The following NAALADL2 variants were observed in gnomAD, a reference collection of about 807,000 sequenced individuals.
The protein encoded by NAALADL2 is N-acetylated alpha-linked acidic dipeptidase like 2.
A neutral mutation model predicts 87.2 loss-of-function variants in NAALADL2; 76 were observed. The ratio of observed to expected loss-of-function variants is 0.87; its 90% CI spans 0.72 to 1.05. The LOEUF (loss-of-function observed/expected upper bound fraction) is 1.05, where lower values mean the gene tolerates loss of function less well. Among genes scored for constraint, NAALADL2 ranks in the 50% least tolerant of loss-of-function variants. NAALADL2 has a pLI of 0.00. For synonymous variants in NAALADL2, 354 were observed against 331.0 expected (o/e 1.07, Z -0.75); for missense variants, 1,089 against 945.8 (o/e 1.15, Z -1.99).
intron 11 of NAALADL2, among the ~76,000 whole-genome samples, chr3:175,710,625 T>C (rs2149999563): frequency 6.6e-6 from 1 of 151,504 alleles, no homozygotes; most frequent in South Asian, 2.1e-4. Flanking sequence ...TATACACATA[T>C]AGACACTTTA....
chr3:174,987,335 C>G (rs1746012716), intron 1 of NAALADL2, among the ~76,000 whole-genome samples: 1 of 151,464 alleles, frequency 6.6e-6, no homozygotes, highest in African/African-American at 2.4e-5. Context: ...TTTGGGAGGC[C>G]GAGGCGGGCG....
chr3:175,302,991 A>G (rs1026931104), intron 4 of NAALADL2, among the ~76,000 whole-genome samples: 1 of 152,176 alleles, frequency 6.6e-6, no homozygotes, highest in Admixed American at 6.5e-5. Flanking sequence ...TTGAAGCAAT[A>G]AACATTGATA....
At chr3:175,546,918 A>G (rs569330784) in intron 9 of NAALADL2, among the ~76,000 whole-genome samples, 1 of 152,308 alleles carries the variant, frequency 6.6e-6, no homozygotes, top group South Asian at 2.1e-4. Flanking sequence ...TAAATCAAAG[A>G]TGACAGAAAC....
At chr3:174,827,773 T>C (rs766407887) in intron 3 of NAALADL2, among the ~76,000 whole-genome samples, 16 of 152,334 alleles carry the variant, frequency 1.1e-4, no homozygotes, top group Non-Finnish European at 1.3e-4. Context: ...TAAGCTTTAC[T>C]GGACATGAAC....
At chr3:174,992,153 CA>C (rs921249617) in intron 1 of NAALADL2, among the ~76,000 whole-genome samples, 12 of 151,858 alleles carry the variant, frequency 7.9e-5, no homozygotes, top group Middle Eastern at 6.8e-3. Context: ...GAATATGGTC[CA>C]AATTAAGAAC....
chr3:175,361,823 C>T (rs199537194), intron 5 of NAALADL2, among the ~76,000 whole-genome samples: 10 of 147,944 alleles, frequency 6.8e-5, no homozygotes, highest in Non-Finnish European at 1.5e-4. Flanking sequence ...AGGTTGCCTG[C>T]TCACTCTGGT....
chr3:174,992,977 T>C (rs1043947814), intron 1 of NAALADL2, among the ~76,000 whole-genome samples: 1 of 152,136 alleles, frequency 6.6e-6, no homozygotes, highest in Non-Finnish European at 1.5e-5. Flanking sequence ...TGATACCTTG[T>C]CTTCTGCTGT....
intron 3 of NAALADL2, among the ~76,000 whole-genome samples, chr3:174,830,755 C>T (rs1263910755): frequency 2.0e-5 from 3 of 152,096 alleles, no homozygotes; most frequent in African/African-American, 4.8e-5. Context: ...AATGTTCTTC[C>T]ACTTGTTTGT....
At chr3:174,541,849 A>T (rs1167680743) in intron 1 of NAALADL2, among the ~76,000 whole-genome samples, 1 of 152,180 alleles carries the variant, frequency 6.6e-6, no homozygotes, top group Non-Finnish European at 1.5e-5. Flanking sequence ...GTCTGGGAGG[A>T]TTCTTGGCTT....
upstream of NAALADL2, among the ~76,000 whole-genome samples, chr3:174,857,697 A>G (rs943896552): frequency 1.3e-5 from 2 of 152,132 alleles, no homozygotes; most frequent in African/African-American, 4.8e-5. Flanking sequence ...TACAGTATGC[A>G]ATTGCTATAG....
intron 9 of NAALADL2, among the ~76,000 whole-genome samples, chr3:175,546,095 C>A (rs536972818): frequency 3.9e-5 from 6 of 152,186 alleles, no homozygotes; most frequent in African/African-American, 1.4e-4. Context: ...AGACTAAATG[C>A]TGAGGTATTA....
At chr3:174,480,475 C>T (rs1223478453) in intron 1 of NAALADL2, among the ~76,000 whole-genome samples, 5 of 151,930 alleles carry the variant, frequency 3.3e-5, no homozygotes, top group Non-Finnish European at 7.4e-5. Context: ...TTTTTGGTGT[C>T]CCTGCCTTTA....
chr3:175,355,022 A>ATGTGTGTGTGTGTGTGTG (rs3067322), intron 5 of NAALADL2, among the ~76,000 whole-genome samples: 8 of 139,436 alleles, frequency 5.7e-5, no homozygotes, highest in African/African-American at 2.2e-4. Flanking sequence ...CTATATATAT[A>ATGTGTGTGTGTGTGTGTG]TGTGTGTGTG....
At chr3:174,712,970 C>G (rs1045543985) in intron 2 of NAALADL2, among the ~76,000 whole-genome samples, 14 of 150,160 alleles carry the variant, frequency 9.3e-5, no homozygotes, top group African/African-American at 3.4e-4. Context: ...AACCCCACAA[C>G]AGGCCCCAGT....
chr3:174,754,109 C>G (rs983126337), intron 3 of NAALADL2, among the ~76,000 whole-genome samples: 9 of 152,132 alleles, frequency 5.9e-5, no homozygotes, highest in African/African-American at 1.9e-4. Flanking sequence ...CTAAGACATT[C>G]AATTTCATGT....
At chr3:175,516,107 CAGTT>C in intron 9 of NAALADL2, among the ~76,000 whole-genome samples, 1 of 152,322 alleles carries the variant, frequency 6.6e-6, no homozygotes, top group South Asian at 2.1e-4. Context: ...GCCCCTTTGA[CAGTT>C]AGGAAACAAA....
At chr3:175,021,952 A>G (rs1386133072) in intron 1 of NAALADL2, among the ~76,000 whole-genome samples, 3 of 151,980 alleles carry the variant, frequency 2.0e-5, no homozygotes, top group Non-Finnish European at 4.4e-5. Flanking sequence ...AGGTCATGGG[A>G]CTGGGAGTTA....
intron 1 of NAALADL2, among the ~76,000 whole-genome samples, chr3:174,524,804 T>C (rs1720589092): frequency 6.6e-6 from 1 of 151,826 alleles, no homozygotes; most frequent in South Asian, 2.1e-4. Context: ...CCTCCCAAAG[T>C]CCTGGGATTA....
chr3:174,668,039 T>C (rs994807862), intron 2 of NAALADL2, among the ~76,000 whole-genome samples: 3 of 152,130 alleles, frequency 2.0e-5, no homozygotes, highest in African/African-American at 7.2e-5. Context: ...TGTTCTGTTC[T>C]TATTTTTGCA....
Sources: gnomAD v4.1 joint callset for allele counts (sites outside exome capture counted in the v4.1 genomes callset) on GRCh38, gnomAD v4.1.1 for gene constraint, MANE v1.5 for transcripts, NCBI Gene and HGNC (gene_info 2026-07-23, HGNC 2026-07-21) for gene names.